PRICKLE3: variants seen among roughly 807,000 people sequenced by gnomAD.
The protein encoded by PRICKLE3 is LIM domain only protein 6.
PRICKLE3 carries 17 observed loss-of-function variants against 33.8 expected under a neutral mutation model. That is an observed-to-expected ratio of 0.50 (90% CI 0.34 to 0.75). The LOEUF (loss-of-function observed/expected upper bound fraction) is 0.75. Ranked by LOEUF, PRICKLE3 falls within the 30% of genes least tolerant of loss-of-function variation. The pLI, the probability that PRICKLE3 is intolerant of heterozygous loss-of-function variation, is 0.01. For synonymous variants in PRICKLE3, 211 were observed against 219.6 expected, an observed-to-expected ratio of 0.96 and a Z score of 0.34; for missense variants, 573 against 576.7, an observed-to-expected ratio of 0.99 and a Z score of 0.07.
Position 49,184,685 on chromosome X carries a change from C to G in PRICKLE3, c.68G>C (p.Arg23Pro), listed in dbSNP as rs781809915. ...CCTACAGGAGTTGCAGGGCTGGCCCCGGTCTGGGTCCTCTGCCTCTGGAGG... is the reference window on the plus strand; with the variant it reads ...CCTACAGGAGTTGCAGGGCTGGCCCGGGTCTGGGTCCTCTGCCTCTGGAGG... ...RAPPEAEDPD[R>P]GQPCNSCREQ... Residue 23 changes from arginine (R) to proline (P), a missense_variant, in exon 2 of 9, where the codon CGG becomes CCG. By Grantham distance (103) the Arg-to-Pro change is moderately radical. Transcript: ENST00000599218. The G allele has an allele frequency of 8.6e-6, 10 of 1,157,185 alleles. No individual in the cohort carries two copies. In the East Asian group the frequency reaches 9.9e-5, roughly 11 times the overall value.
intron 3 of PRICKLE3, among the ~76,000 whole-genome samples, chrX:49,181,728 C>T (rs1293705158): frequency 3.9e-5 from 4 of 103,258 alleles, no homozygotes; most frequent in African/African-American, 1.4e-4. Context: ...CTCACCGAAA[C>T]CTCCGCCTCC....
At chrX:49,177,287 G>A in intron 7 of PRICKLE3, 85 bp from the exon 8 acceptor site, 2 of 982,155 alleles carry the variant, frequency 2.0e-6, no homozygotes, top group South Asian at 2.6e-5. Context: ...TTCTCAAGAA[G>A]AGGTGGGGAA....
chrX:49,185,594 G>A (rs2065478909), intron 1 of PRICKLE3, among the ~76,000 whole-genome samples: 1 of 111,008 alleles, frequency 9.0e-6, no homozygotes, highest in Non-Finnish European at 1.9e-5. Flanking sequence ...CCAAGGTACT[G>A]TGTCCTTTAG....
At chrX:49,181,055 C>T (rs1557100907) in intron 3 of PRICKLE3, among the ~76,000 whole-genome samples, 1 of 110,016 alleles carries the variant, frequency 9.1e-6, no homozygotes, top group African/African-American at 3.3e-5. Flanking sequence ...CCCCCACAAG[C>T]AAATCCTCTG....
intron 1 of PRICKLE3, chrX:49,184,958 C>T: frequency 1.2e-5 from 12 of 1,017,120 alleles, no homozygotes; most frequent in Non-Finnish European, 1.5e-5. Flanking sequence ...CCTAGGCTGG[C>T]CTCGGACCCC....
intron 1 of PRICKLE3, 31 bp from the exon 2 acceptor site, chrX:49,184,741 G>A: frequency 2.6e-6 from 3 of 1,162,790 alleles, no homozygotes; most frequent in African/African-American, 1.8e-5. Context: ...TGCAGGGCCG[G>A]GTGAGGCGCG....
chrX:49,183,360 T>G (rs2065466608), intron 3 of PRICKLE3, among the ~76,000 whole-genome samples: 1 of 111,072 alleles, frequency 9.0e-6, no homozygotes, highest in African/African-American at 3.3e-5. Context: ...GAGTTCAACA[T>G]CAGCCTGGGC....
In PRICKLE3 at chrX:49,175,815, G is replaced by C. The variant is rs889211751; in HGVS notation, c.1706C>G (p.Pro569Arg). 1.6e-6 allele frequency: 2 copies of C among 1,212,270 alleles called. No individual in the cohort carries two copies. Among genetic ancestry groups the C allele is most frequent in the Admixed American group, 2.2e-5 (1 of 46,140 alleles). ...DDGFFLGERIPLPPHLCRPMP... is the reference protein window; with the variant it reads ...DDGFFLGERIRLPPHLCRPMP... ...GGGCCTGCACAAATGCGGGGGCAGA[G>C]GGATGCGCTCTCCTAGGAAGAAGCC... The change falls in exon 9 of 9, where the codon CCT (proline) becomes CGT (arginine). Residue 569 changes from proline (P) to arginine (R), a missense_variant. By Grantham distance (103) the Pro-to-Arg change is moderately radical (BLOSUM62 -2). Transcript: ENST00000599218.
At chrX:49,185,007 G>T in intron 1 of PRICKLE3, 1 of 685,587 alleles carries the variant, frequency 1.5e-6, no homozygotes, top group Non-Finnish European at 2.0e-6. Context: ...CCTCCCACCA[G>T]CCTTAGATCC....
At chrX:49,177,603 G>C in intron 7 of PRICKLE3, among the ~76,000 whole-genome samples, 1 of 111,716 alleles carries the variant, frequency 9.0e-6, no homozygotes, top group South Asian at 3.7e-4. Flanking sequence ...GTTGAGAAAG[G>C]AGTGGTTCTC....
At chrX:49,177,924 C>A (rs1557100357) in intron 7 of PRICKLE3, 69 bp downstream of exon 7, 2 of 1,087,459 alleles carry the variant, frequency 1.8e-6, no homozygotes, top group Non-Finnish European at 2.4e-6. Context: ...CAGGAGGAGT[C>A]CTGGTGGGGT....
At chrX:49,180,524 AGTC>A (rs1418742471) in intron 3 of PRICKLE3, among the ~76,000 whole-genome samples, 1 of 111,224 alleles carries the variant, frequency 9.0e-6, no homozygotes, top group Non-Finnish European at 1.9e-5. Context: ...TTCAGGTCTC[AGTC>A]GTCATCAGAC....
chrX:49,178,669 C>A (rs1387263832), intron 5 of PRICKLE3, among the ~76,000 whole-genome samples, 194 bp from the exon 6 acceptor site: 1 of 112,458 alleles, frequency 8.9e-6, no homozygotes, highest in Non-Finnish European at 1.9e-5. Context: ...TAGAGACTGA[C>A]CCTGCTCATG....
intron 3 of PRICKLE3, among the ~76,000 whole-genome samples, chrX:49,181,285 T>C (rs2065447521): frequency 9.6e-6 from 1 of 104,099 alleles, no homozygotes; most frequent in East Asian, 3.0e-4. Flanking sequence ...GGAGGATCAC[T>C]TGAGCTCAGG....
At chrX:49,179,986 A>T in intron 3 of PRICKLE3, 180 bp from the exon 4 acceptor site, 13 of 252,500 alleles carry the variant, frequency 5.1e-5, no homozygotes, top group East Asian at 8.8e-5. Flanking sequence ...AAACACGCTG[A>T]GGGTTCCTGC....
Position 49,174,973 on chromosome X carries a change from T to C in PRICKLE3, c.*700A>G. On this transcript the variant is annotated 3_prime_UTR_variant, in exon 9 of 9. Transcript: ENST00000599218. ...CACCTAAGTCACAAAATGAGGGAAG[T>C]GGGGAGTTAGATTTCAGAGTCCAGG... is the stretch of plus-strand genomic sequence containing the variant. 2.3e-6 allele frequency: 1 copy of C among 433,762 alleles called. No individual in the cohort carries two copies. The highest frequency in any genetic ancestry group is 3.4e-5 in the South Asian group (1 of 29,025). 35.7% of individuals were successfully genotyped at this position (433,762 alleles called of 1,213,427 possible). A position where few individuals can be genotyped will look rare whatever the true frequency, so the allele number is the denominator to read the frequency against.
Position 49,184,598 on chromosome X carries a change from GCGAGGCCCTTTAGGGGCGCCACTTAC to G in PRICKLE3, c.128+1_128+26del. The G allele has an allele frequency of 9.2e-7, 1 of 1,083,197 alleles. No homozygotes were observed. Among genetic ancestry groups the G allele is most frequent in the South Asian group, 2.3e-5 (1 of 42,910 alleles). The allele number at this position is 1,083,197 out of a possible 1,213,427, so 89.3% of individuals were successfully genotyped here. A position where few individuals can be genotyped will look rare whatever the true frequency, so the allele number is the denominator to read the frequency against. On this transcript the variant is annotated splice_donor_variant and splice_donor_5th_base_variant and intron_variant, in intron 2 of 8. Transcript: ENST00000599218. LOFTEE classifies it high-confidence loss of function. Reference sequence around the variant, plus strand: ...CCCCGAAGGCGGAGCTCTGACAAAGGCGAGGCCCTTTAGGGGCGCCACTTACCTCCAGCCGTGGAGCAGGAAGCCAG... The same window carrying G: ...CCCCGAAGGCGGAGCTCTGACAAAGGCTCCAGCCGTGGAGCAGGAAGCCAG...
chrX:49,179,040 G>T (rs973725042), intron 5 of PRICKLE3, among the ~76,000 whole-genome samples: 1 of 112,200 alleles, frequency 8.9e-6, no homozygotes, highest in Non-Finnish European at 1.9e-5. Context: ...TGATGGGACA[G>T]GTCCCTGTCC....
chrX:49,177,999 G>A lies in PRICKLE3; in HGVS notation c.949C>T (p.His317Tyr), dbSNP rs2065428690. Residue 317 changes from histidine (H) to tyrosine (Y), a missense_variant, in exon 7 of 9, where the codon CAC (histidine) becomes TAC (tyrosine). Coordinates refer to ENST00000599218, the MANE Select transcript of PRICKLE3 (RefSeq NM_006150.5). ...HAEYCDGCGE[H>Y]IGLDQGQMAY... ...TCCCACAGCATTCACCCACCGATGTGCTCCCCACAGCCATCACAGTACTCC... is the reference window on the plus strand; with the variant it reads ...TCCCACAGCATTCACCCACCGATGTACTCCCCACAGCCATCACAGTACTCC... 3.5e-6 allele frequency: 4 copies of A among 1,143,266 alleles called. No homozygotes were observed. The highest frequency in any genetic ancestry group is 5.8e-5 in the Admixed American group (2 of 34,508). The allele number at this position is 1,143,266 out of a possible 1,213,427, so 94.2% of individuals were successfully genotyped here. A position where few individuals can be genotyped will look rare whatever the true frequency, so the allele number is the denominator to read the frequency against.
Sources: allele counts gnomAD v4.1 joint callset (sites outside exome capture counted in the v4.1 genomes callset), GRCh38; gene constraint gnomAD v4.1.1; transcripts MANE v1.5; gene names NCBI Gene and HGNC (gene_info 2026-07-23, HGNC 2026-07-21).